DAB1: variants seen among roughly 807,000 people sequenced by gnomAD.
The protein encoded by DAB1 is disabled homolog 1.
In DAB1, 15 loss-of-function variants were observed where a neutral mutation model predicts 64.6. That is an observed-to-expected ratio of 0.23 (90% CI 0.16 to 0.36). The LOEUF is 0.36. Ranked by LOEUF, DAB1 falls within the 10% of genes least tolerant of loss-of-function variation. DAB1 has a pLI of 1.00. For synonymous variants in DAB1, 235 were observed against 251.9 expected (o/e 0.93, Z 0.64); for missense variants, 596 against 706.7 (o/e 0.84, Z 1.78).
chr1:58,362,848 A>G (rs2100527299), intron 3 of DAB1, among the ~76,000 whole-genome samples: 1 of 152,342 alleles, frequency 6.6e-6, no homozygotes, highest in South Asian at 2.1e-4. Flanking sequence ...CAGAACTACA[A>G]TGTCTTAGCC....
intron 6 of DAB1, among the ~76,000 whole-genome samples, chr1:57,678,151 G>C (rs1646590428): frequency 6.6e-6 from 1 of 152,168 alleles, no homozygotes; most frequent in Non-Finnish European, 1.5e-5. Flanking sequence ...TTCATAGAAA[G>C]AAGTAGAGAA....
chr1:57,654,287 T>C (rs1429363169), intron 6 of DAB1, among the ~76,000 whole-genome samples: 3 of 152,066 alleles, frequency 2.0e-5, no homozygotes, highest in Non-Finnish European at 4.4e-5. Context: ...ATGGAAAAAC[T>C]GGAAGCAGAA....
Position 57,940,310 on chromosome 1 carries a change from A to G in DAB1, n.388-56148T>C, listed in dbSNP as rs185895235. On this transcript the variant is annotated intron_variant and non_coding_transcript_variant, in intron 5 of 20. Transcript: ENST00000485760. ...GTTTCAAAGAGAAAAGAAATTAGAA[A>G]TTTCAAGGAAGATACAGTTTTTGCT... Among the ~76,000 whole-genome samples the G allele has an allele frequency of 1.0e-3, 152 of 152,314 alleles. 1 individual carries two copies. The highest frequency in any genetic ancestry group is 3.5e-3 in the African/African-American group (146 of 41,572).
chr1:58,386,174 T>C (rs1260649659), intron 3 of DAB1, among the ~76,000 whole-genome samples: 2 of 152,156 alleles, frequency 1.3e-5, no homozygotes, highest in African/African-American at 2.4e-5. Flanking sequence ...TTTCCTCCTA[T>C]GAAATGGAGT....
At chr1:57,830,022 C>A (rs189344673) in intron 1 of DAB1, among the ~76,000 whole-genome samples, 5 of 152,296 alleles carry the variant, frequency 3.3e-5, no homozygotes, top group African/African-American at 1.2e-4. Context: ...TGACACTCTA[C>A]ACTCTCTCCT....
At chr1:57,803,271 A>C (rs1323399168) in intron 6 of DAB1, among the ~76,000 whole-genome samples, 1 of 152,226 alleles carries the variant, frequency 6.6e-6, no homozygotes, top group East Asian at 1.9e-4. Flanking sequence ...AAGTTGCCAT[A>C]ACCTAGAGTG....
intron 1 of DAB1, among the ~76,000 whole-genome samples, chr1:57,854,542 A>C (rs1280130605): frequency 6.6e-6 from 1 of 152,202 alleles, no homozygotes; most frequent in Non-Finnish European, 1.5e-5. Flanking sequence ...AGAGGGTCCC[A>C]GTCAGTAAGC....
intron 5 of DAB1, among the ~76,000 whole-genome samples, chr1:58,089,077 C>T (rs1476501011): frequency 1.3e-5 from 2 of 152,228 alleles, no homozygotes; most frequent in African/African-American, 2.4e-5. Context: ...GCACCAATGT[C>T]GTTTTTGACT....
At chr1:58,140,641 C>T (rs150565777) in intron 5 of DAB1, among the ~76,000 whole-genome samples, 1 of 152,042 alleles carries the variant, frequency 6.6e-6, no homozygotes, top group Non-Finnish European at 1.5e-5. Context: ...CTAGCTCCCC[C>T]ACTGCTCTAT....
chr1:57,695,368 GAAAGAAAGAAAGA>G (rs1557427785), intron 6 of DAB1, among the ~76,000 whole-genome samples: 24 of 48,568 alleles, frequency 4.9e-4, no homozygotes, highest in Non-Finnish European at 6.3e-4. Context: ...AAAGAAGAAA[GAAAGAAAGAAAGA>G]AAGAAAGAAA....
intron 7 of DAB1, among the ~76,000 whole-genome samples, chr1:57,439,433 T>TTTTTTTTTTTTTTTTTTTTTTTTTG (rs1296787826): frequency 4.5e-5 from 6 of 131,978 alleles, no homozygotes; most frequent in East Asian, 4.8e-4. Context: ...TTCTTTTTTT[T>TTTTTTTTTTTTTTTTTTTTTTTTTG]TTTTTTTTTT....
chr1:58,449,978 G>T (rs1210470254), intron 3 of DAB1, among the ~76,000 whole-genome samples: 1 of 152,106 alleles, frequency 6.6e-6, no homozygotes, highest in Non-Finnish European at 1.5e-5. Flanking sequence ...TTTATAAGCA[G>T]GTATATAATA....
chr1:57,458,734 C>A (rs1176386344), intron 7 of DAB1, among the ~76,000 whole-genome samples: 1 of 152,004 alleles, frequency 6.6e-6, no homozygotes, highest in Non-Finnish European at 1.5e-5. Context: ...TTAAATTATG[C>A]ATTATTCGTG....
chr1:57,033,283 G>T, intron 9 of DAB1: 1 of 1,234,458 alleles, frequency 8.1e-7, no homozygotes, highest in Non-Finnish European at 1.2e-6. Flanking sequence ...CTAGAGCAGA[G>T]CAGGGCAGGA....
intron 5 of DAB1, among the ~76,000 whole-genome samples, chr1:57,893,046 C>A (rs1644340976): frequency 7.5e-6 from 1 of 133,270 alleles, no homozygotes; most frequent in Non-Finnish European, 1.5e-5. Context: ...TGAAAAAGTG[C>A]ATTTCTAGCA....
intron 3 of DAB1, among the ~76,000 whole-genome samples, chr1:58,485,719 C>T (rs1195444367): frequency 6.6e-6 from 1 of 151,916 alleles, no homozygotes; most frequent in Non-Finnish European, 1.5e-5. Context: ...CAAAAGTGAG[C>T]AAAATTTTCC....
intron 4 of DAB1, among the ~76,000 whole-genome samples, chr1:58,262,521 G>A (rs1021427811): frequency 6.6e-6 from 1 of 152,084 alleles, no homozygotes; most frequent in Non-Finnish European, 1.5e-5. Context: ...GGAGGCAGAG[G>A]TTGCAGTGAG....
rs529221819 is a variant in DAB1, at chr1:58,357,428, C to T, written n.258-14025G>A. On this transcript the variant is annotated intron_variant and non_coding_transcript_variant, in intron 3 of 20. Transcript: ENST00000485760. Reference sequence around the variant, plus strand: ...CACAACAGGAAAAATAAAGAAGTAGCCTAGAGGGTCAAGAGTTGTCTGTTA... The same window carrying T: ...CACAACAGGAAAAATAAAGAAGTAGTCTAGAGGGTCAAGAGTTGTCTGTTA... Among the ~76,000 whole-genome samples the T allele has an allele frequency of 9.2e-5, 14 of 152,160 alleles. No homozygotes were observed. In the East Asian group the frequency reaches 2.7e-3, roughly 29 times the overall value.
At chr1:57,421,903 G>A (rs1422653230) in intron 1 of DAB1, among the ~76,000 whole-genome samples, 1 of 46,334 alleles carries the variant, frequency 2.2e-5, no homozygotes, top group Non-Finnish European at 4.6e-5. Flanking sequence ...GGGGGGTGGC[G>A]GGGGGGGGGG....
Sources: gnomAD v4.1 joint callset for allele counts (sites outside exome capture counted in the v4.1 genomes callset) on GRCh38, gnomAD v4.1.1 for gene constraint, MANE v1.5 for transcripts, NCBI Gene and HGNC (gene_info 2026-07-23, HGNC 2026-07-21) for gene names.